Variants in RYR2 observed in about 807,000 individuals in gnomAD.
RYR2 encodes cardiac muscle ryanodine receptor-calcium release channel.
A neutral mutation model predicts 601.1 loss-of-function variants in RYR2; 227 were observed. The ratio of observed to expected loss-of-function variants is 0.38; its 90% CI spans 0.34 to 0.42. The LOEUF is 0.42. Ranked by LOEUF, RYR2 falls within the 10% of genes least tolerant of loss-of-function variation. The pLI is 1.00. For synonymous variants in RYR2, 2,223 were observed against 2,175.1 expected (o/e 1.02, Z -0.61); for missense variants, 4,646 against 6,156.5 (o/e 0.75, Z 8.21).
chr1:237,475,481 A>G (rs1661299717), intron 17 of RYR2, among the ~76,000 whole-genome samples: 1 of 152,150 alleles, frequency 6.6e-6, no homozygotes, highest in African/African-American at 2.4e-5. Context: ...TTTAAATACC[A>G]TGGTGAGAAA....
chr1:237,343,828 T>C (rs143242502), intron 3 of RYR2, among the ~76,000 whole-genome samples: 1 of 151,664 alleles, frequency 6.6e-6, no homozygotes, highest in Admixed American at 6.6e-5. Flanking sequence ...TTTGTTTTTT[T>C]TTTTTTTTTG....
At chr1:237,232,244 G>A (rs990073835) in intron 1 of RYR2, among the ~76,000 whole-genome samples, 16 of 152,288 alleles carry the variant, frequency 1.1e-4, no homozygotes, top group African/African-American at 3.8e-4. Context: ...GGAAAAGAGG[G>A]TTGAGATTTT....
At chr1:237,561,878 C>T (rs1671491878) in intron 27 of RYR2, among the ~76,000 whole-genome samples, 1 of 151,854 alleles carries the variant, frequency 6.6e-6, no homozygotes, top group South Asian at 2.1e-4. Flanking sequence ...TTTTTTTGAA[C>T]AAGGATGGTG....
chr1:237,752,386 G>A (rs575613775), intron 80 of RYR2, among the ~76,000 whole-genome samples: 93 of 151,828 alleles, frequency 6.1e-4, no homozygotes, highest in African/African-American at 2.0e-3. Flanking sequence ...CTGGGCTCAA[G>A]CAGTCCTCCC....
At chr1:237,353,511 GA>G (rs61606386) in intron 3 of RYR2, among the ~76,000 whole-genome samples, 3,575 of 52,762 alleles carry the variant, frequency 0.068, 121 homozygotes, top group African/African-American at 0.16. Flanking sequence ...TCCGTCTCAA[GA>G]AAAAAAAAAA....
In RYR2 at chr1:237,500,696, T is replaced by C. The variant is rs1010022959; in HGVS notation, c.2204-15T>C. 4.5e-6 allele frequency: 7 copies of C among 1,569,558 alleles called. No individual in the cohort carries two copies. The highest frequency in any genetic ancestry group is 1.8e-5 in the Admixed American group (1 of 54,114). On this transcript the variant is annotated splice_polypyrimidine_tract_variant and intron_variant, in intron 20 of 104. Coordinates refer to ENST00000366574, the MANE Select transcript of RYR2 (RefSeq NM_001035.3). ...AAAAAATACATGACCTTCCTTAATGTTTTCCCCCCAATAGGTTGTATTGCT... is the reference window on the plus strand; with the variant it reads ...AAAAAATACATGACCTTCCTTAATGCTTTCCCCCCAATAGGTTGTATTGCT...
chr1:237,588,894 A>G (rs1674834638), intron 29 of RYR2, among the ~76,000 whole-genome samples: 1 of 141,938 alleles, frequency 7.0e-6, no homozygotes, highest in Non-Finnish European at 1.5e-5. Context: ...CCCCTTGTGA[A>G]AAAAAAAATC....
chr1:237,660,346 T>C (rs998115087), intron 55 of RYR2, among the ~76,000 whole-genome samples: 1 of 152,112 alleles, frequency 6.6e-6, no homozygotes, highest in Non-Finnish European at 1.5e-5. Context: ...TTTTAAGTAC[T>C]TTAAAAAATC....
intron 1 of RYR2, among the ~76,000 whole-genome samples, chr1:237,116,489 T>G (rs1670094059): frequency 6.6e-6 from 1 of 152,118 alleles, no homozygotes; most frequent in South Asian, 2.1e-4. Context: ...ACAGAAGCAA[T>G]TATATCTATT....
rs1043059499 is a variant in RYR2, at chr1:237,106,252, G to A, written c.48+63683G>A. ...GAATAGATGTTCCTGGTAAACAGGG[G>A]TGGGCAGGGAGAACAGCTCCCCTGC... is the stretch of plus-strand genomic sequence containing the variant. On this transcript the variant is annotated intron_variant, in intron 1 of 104. Transcript: ENST00000366574. The surrounding 1 kb of genome is among the most constrained non-coding windows in gnomAD (Gnocchi z 4.4). Among the ~76,000 whole-genome samples, 1 of 152,196 alleles carries A rather than the reference G, an allele frequency of 6.6e-6. No individual in the cohort carries two copies. The highest frequency in any genetic ancestry group is 1.5e-5 in the Non-Finnish European group (1 of 68,030).
At chr1:237,792,395 G>GCA in intron 94 of RYR2, 72 bp downstream of exon 94, 17 of 757,664 alleles carry the variant, frequency 2.2e-5, no homozygotes, top group Non-Finnish European at 3.0e-5. Context: ...GTGTGTGTGT[G>GCA]TGCGTGTGTG....
At chr1:237,594,896 T>TGTTTTTTTTGTTTTTTTTG (rs1675664124) in intron 33 of RYR2, among the ~76,000 whole-genome samples, 1 of 20,462 alleles carries the variant, frequency 4.9e-5, no homozygotes, top group African/African-American at 7.3e-5. Flanking sequence ...GTTTTTTTTT[T>TGTTTTTTTTGTTTTTTTTG]TTTTTTTTTT....
At chr1:237,107,469 G>A (rs1362386335) in intron 1 of RYR2, among the ~76,000 whole-genome samples, 18 of 119,922 alleles carry the variant, frequency 1.5e-4, no homozygotes, top group Admixed American at 1.1e-3. Flanking sequence ...GCAGTGAGCC[G>A]AGATCGCACC....
intron 1 of RYR2, among the ~76,000 whole-genome samples, chr1:237,054,540 T>C (rs1661733953): frequency 6.6e-6 from 1 of 152,106 alleles, no homozygotes; most frequent in South Asian, 2.1e-4. Context: ...AAATGCAAAT[T>C]GTGTCTACTA....
At chr1:237,607,708 A>G (rs12409807) in intron 35 of RYR2, among the ~76,000 whole-genome samples, 84,335 of 152,108 alleles carry the variant, frequency 0.55, 27,301 homozygotes, top group Non-Finnish European at 0.71. Flanking sequence ...CATGCTAATC[A>G]AAAAGTAGAA....
intron 2 of RYR2, among the ~76,000 whole-genome samples, chr1:237,324,459 C>T (rs1695952643): frequency 6.6e-6 from 1 of 152,118 alleles, no homozygotes. Flanking sequence ...AACTTCAGAC[C>T]ATCTGCTCTG....
chr1:237,383,740 A>G (rs1281554307), intron 8 of RYR2, among the ~76,000 whole-genome samples: 1 of 152,038 alleles, frequency 6.6e-6, no homozygotes, highest in East Asian at 1.9e-4. Flanking sequence ...TTCAATCTAC[A>G]TGTTTAAATA....
intron 92 of RYR2, among the ~76,000 whole-genome samples, chr1:237,789,466 ACT>A (rs900234232): frequency 7.5e-6 from 1 of 133,754 alleles, no homozygotes; most frequent in African/African-American, 2.7e-5. Context: ...TAGATAACTA[ACT>A]CTGAATAATT....
chr1:237,752,685 T>C (rs1235544370), intron 80 of RYR2, among the ~76,000 whole-genome samples: 1 of 152,200 alleles, frequency 6.6e-6, no homozygotes, highest in Non-Finnish European at 1.5e-5. Flanking sequence ...GCAAACCAAA[T>C]TATTAGTACA....
Sources: allele counts gnomAD v4.1 joint callset (sites outside exome capture counted in the v4.1 genomes callset), GRCh38; gene constraint gnomAD v4.1.1; non-coding constraint Gnocchi (gnomAD v3.1); transcripts MANE v1.5; gene names NCBI Gene and HGNC (gene_info 2026-07-23, HGNC 2026-07-21).